The following KANK1 variants were observed in gnomAD, a reference collection of about 807,000 sequenced individuals.
KANK1 encodes KN motif and ankyrin repeat domain-containing protein 1.
KANK1 carries 109 observed loss-of-function variants against 106.2 expected under a neutral mutation model. The ratio of observed to expected loss-of-function variants is 1.03; its 90% CI spans 0.88 to 1.20. The LOEUF (loss-of-function observed/expected upper bound fraction) is 1.20. Among genes scored for constraint, KANK1 ranks in the 50% most tolerant of loss-of-function variants. The pLI is 0.00. For synonymous variants in KANK1, 873 were observed against 652.2 expected (o/e 1.34, Z -5.16); for missense variants, 2,399 against 1,710.7 (o/e 1.40, Z -7.10).
At chr9:562,870 T>C (rs1816852132) in intron 1 of KANK1, among the ~76,000 whole-genome samples, 1 of 152,202 alleles carries the variant, frequency 6.6e-6, no homozygotes, top group African/African-American at 2.4e-5. Flanking sequence ...TCACTAAATA[T>C]TTGTTGAATG....
chr9:616,206 A>T (rs1313356850), intron 1 of KANK1, among the ~76,000 whole-genome samples: 1 of 152,160 alleles, frequency 6.6e-6, no homozygotes, highest in African/African-American at 2.4e-5. Context: ...AGACTTCCAA[A>T]TTTTATCCGG....
At chr9:613,639 A>T (rs1831102171) in intron 1 of KANK1, among the ~76,000 whole-genome samples, 2 of 152,172 alleles carry the variant, frequency 1.3e-5, no homozygotes, top group South Asian at 2.1e-4. Flanking sequence ...AATTCCTAAA[A>T]GGAATCCACA....
At chr9:680,273 C>T (rs886093922) in intron 2 of KANK1, among the ~76,000 whole-genome samples, 5 of 152,060 alleles carry the variant, frequency 3.3e-5, no homozygotes, top group Admixed American at 1.3e-4. Flanking sequence ...GCAAACCATG[C>T]CCTTGGCACA....
At chr9:673,197 CTTCTTT>C (rs1815595826) in intron 1 of KANK1, among the ~76,000 whole-genome samples, 1 of 114,762 alleles carries the variant, frequency 8.7e-6, no homozygotes, top group Non-Finnish European at 1.8e-5. Flanking sequence ...GTGACAGTGT[CTTCTTT>C]TTTTTTTTTT....
chr9:710,680 C>A, intron 2 of KANK1, 124 bp from the exon 3 acceptor site: 4 of 603,752 alleles, frequency 6.6e-6, no homozygotes, highest in Admixed American at 3.4e-5. Context: ...GATCCAGGTT[C>A]AAAACATAGG....
At chr9:684,611 C>T (rs1301249133) in intron 2 of KANK1, 2 of 983,566 alleles carry the variant, frequency 2.0e-6, no homozygotes, top group East Asian at 1.1e-4. Flanking sequence ...ATGCACTTCC[C>T]CTCTTTCTTG....
intron 1 of KANK1, among the ~76,000 whole-genome samples, chr9:616,574 C>G (rs1431401359): frequency 6.6e-6 from 1 of 152,184 alleles, no homozygotes; most frequent in African/African-American, 2.4e-5. Flanking sequence ...ACTTTATATC[C>G]TCTATCCTTC....
chr9:583,511 C>G (rs1173094987), intron 1 of KANK1, among the ~76,000 whole-genome samples: 1 of 151,962 alleles, frequency 6.6e-6, no homozygotes, highest in African/African-American at 2.4e-5. Context: ...AATTGTAATA[C>G]ACATGACAAA....
At chr9:667,273 T>C (rs968880136) in intron 1 of KANK1, among the ~76,000 whole-genome samples, 5 of 152,094 alleles carry the variant, frequency 3.3e-5, no homozygotes, top group African/African-American at 1.2e-4. Flanking sequence ...TCTGTTGTTT[T>C]GTATCTTTTT....
chr9:499,144 C>T (rs1383568193), intron 3 of KANK1, among the ~76,000 whole-genome samples: 3 of 151,288 alleles, frequency 2.0e-5, no homozygotes, highest in South Asian at 2.1e-4. Flanking sequence ...CACCACTGCA[C>T]TCCAACCTGG....
intron 1 of KANK1, among the ~76,000 whole-genome samples, chr9:634,369 C>T (rs569906765): frequency 6.6e-6 from 1 of 152,286 alleles, no homozygotes; most frequent in South Asian, 2.1e-4. Flanking sequence ...TGAGTCCTGG[C>T]TCCCGGTGGG....
intron 9 of KANK1, among the ~76,000 whole-genome samples, chr9:741,395 C>A (rs1194066534): frequency 6.6e-6 from 1 of 151,626 alleles, no homozygotes; most frequent in African/African-American, 2.4e-5. Flanking sequence ...TCTTGGCTCA[C>A]TGCAACCACC....
intron 2 of KANK1, chr9:693,539 C>G: frequency 1.0e-6 from 1 of 985,376 alleles, no homozygotes; most frequent in Non-Finnish European, 1.2e-6. Context: ...TTTTTAAGAT[C>G]TTGCTAGCAG....
intron 1 of KANK1, among the ~76,000 whole-genome samples, chr9:653,205 G>C (rs1328820858): frequency 2.6e-5 from 4 of 152,102 alleles, no homozygotes; most frequent in Non-Finnish European, 4.4e-5. Context: ...TCCTAGTCTG[G>C]ACATGAAGAG....
intron 3 of KANK1, among the ~76,000 whole-genome samples, chr9:490,776 GT>G (rs1356061841): frequency 6.6e-6 from 1 of 152,170 alleles, no homozygotes; most frequent in Non-Finnish European, 1.5e-5. Context: ...ACCAGACAGT[GT>G]GGTAAGTGCC....
At chr9:605,925 T>C (rs1331452310) in intron 1 of KANK1, among the ~76,000 whole-genome samples, 1 of 151,634 alleles carries the variant, frequency 6.6e-6, no homozygotes, top group Non-Finnish European at 1.5e-5. Flanking sequence ...GAAGGCCGGG[T>C]CTGTGTTGTC....
At chr9:620,429 C>A (rs998317229) in intron 1 of KANK1, among the ~76,000 whole-genome samples, 1 of 151,888 alleles carries the variant, frequency 6.6e-6, no homozygotes, top group Non-Finnish European at 1.5e-5. Context: ...AACGGAGTCT[C>A]GCACTGTCAC....
chr9:649,912 C>T (rs186014759), intron 1 of KANK1, among the ~76,000 whole-genome samples: 4 of 152,306 alleles, frequency 2.6e-5, no homozygotes, highest in East Asian at 3.9e-4. Flanking sequence ...TTCTCTGCGT[C>T]ATCCCCGTTG....
In KANK1 at chr9:718,877, G is replaced by A. The variant is rs929590673; in HGVS notation, c.2698+5413G>A. ...GTAGTATGTACCAAAAAAGAAGATGGTCCTTCATGAATAATCTCTACTGCC... is the reference window on the plus strand; with the variant it reads ...GTAGTATGTACCAAAAAAGAAGATGATCCTTCATGAATAATCTCTACTGCC... On this transcript the variant is annotated intron_variant, in intron 3 of 11. Transcript: ENST00000382297. Among the ~76,000 whole-genome samples, 4 of 151,316 alleles carry A rather than the reference G, an allele frequency of 2.6e-5. No individual in the cohort carries two copies. In the South Asian group the frequency reaches 6.3e-4, roughly 24 times the overall value.
Sources: gnomAD v4.1 joint callset for allele counts (sites outside exome capture counted in the v4.1 genomes callset) on GRCh38, gnomAD v4.1.1 for gene constraint, MANE v1.5 for transcripts, NCBI Gene and HGNC (gene_info 2026-07-23, HGNC 2026-07-21) for gene names.